TMLHE: variants seen among roughly 807,000 people sequenced by gnomAD.
The protein encoded by TMLHE is trimethyllysine dioxygenase, mitochondrial.
Under a neutral mutation model 25.7 loss-of-function variants are expected in TMLHE, and 18 were observed. The observed-to-expected ratio is 0.70, with a 90% CI of 0.48 to 1.04. TMLHE has a LOEUF of 1.04. TMLHE is among the 50% of genes least tolerant of loss of function. The pLI, the probability that TMLHE is intolerant of heterozygous loss-of-function variation, is 0.00. For missense variants in TMLHE, 236 were observed against 259.0 expected, an observed-to-expected ratio of 0.91 and a Z score of 0.61; for synonymous variants, 105 against 97.0, an observed-to-expected ratio of 1.08 and a Z score of -0.49.
chrX:155,596,165 A>G (rs1435341116), intron 1 of TMLHE, among the ~76,000 whole-genome samples: 1 of 112,084 alleles, frequency 8.9e-6, no homozygotes. Flanking sequence ...TATCTATAAA[A>G]CTGCTAATCT....
At chrX:155,576,805 T>C (rs1449307672) in intron 1 of TMLHE, among the ~76,000 whole-genome samples, 1 of 112,122 alleles carries the variant, frequency 8.9e-6, no homozygotes, top group Non-Finnish European at 1.9e-5. Flanking sequence ...GCTAGCCATA[T>C]GCAGAAGATT....
chrX:155,546,923 A>G (rs2067348817), intron 1 of TMLHE, among the ~76,000 whole-genome samples: 1 of 111,222 alleles, frequency 9.0e-6, no homozygotes, highest in African/African-American at 3.3e-5. Context: ...GTATGACACC[A>G]AGACTCCAGA....
Position 155,548,546 on chromosome X carries a change from T to C in TMLHE, c.-1-3269A>G, listed in dbSNP as rs183034287. Among the ~76,000 whole-genome samples the C allele has an allele frequency of 5.6e-3, 599 of 107,451 alleles. 12 individuals are homozygous for C. Among genetic ancestry groups the C allele is most frequent in the Non-Finnish European group, 8.3e-3 (434 of 52,107 alleles). The allele number at this position is 107,451 out of a possible 115,157, so 93.3% of individuals were successfully genotyped here. On this transcript the variant is annotated intron_variant, in intron 1 of 7. Transcript: ENST00000334398. ...GTCAGCAGTATGAGGCCAGCCTGACTAACATGGTGAAACCCTGTCTCTACT... is the reference window on the plus strand; with the variant it reads ...GTCAGCAGTATGAGGCCAGCCTGACCAACATGGTGAAACCCTGTCTCTACT...
intron 1 of TMLHE, among the ~76,000 whole-genome samples, chrX:155,586,510 AT>A (rs1569562235): frequency 8.9e-6 from 1 of 111,770 alleles, no homozygotes; most frequent in African/African-American, 3.2e-5. Flanking sequence ...AAGAGAAAAA[AT>A]AATAAAGATA....
chrX:155,563,835 T>C (rs2067504300), intron 1 of TMLHE, among the ~76,000 whole-genome samples: 1 of 61,986 alleles, frequency 1.6e-5, no homozygotes, highest in African/African-American at 3.6e-5. Context: ...GATCCTTTTA[T>C]TCTTCAATGC....
At chrX:155,558,373 A>G (rs7888940) in intron 1 of TMLHE, among the ~76,000 whole-genome samples, 1,587 of 111,662 alleles carry the variant, frequency 0.014, 43 homozygotes, top group African/African-American at 0.049. Context: ...TTCTCTCATA[A>G]TAGTCTTTAT....
At chrX:155,535,740 T>C (rs2067275316) in intron 2 of TMLHE, among the ~76,000 whole-genome samples, 4 of 111,821 alleles carry the variant, frequency 3.6e-5, no homozygotes, top group Non-Finnish European at 7.5e-5. Context: ...AACCCCTGTC[T>C]CCATTTAAGC....
At chrX:155,576,557 GTAA>G (rs2067590816) in intron 1 of TMLHE, among the ~76,000 whole-genome samples, 3 of 111,562 alleles carry the variant, frequency 2.7e-5, no homozygotes, top group Non-Finnish European at 5.7e-5. Flanking sequence ...CAAAACAATC[GTAA>G]GGAAAAAGAT....
chrX:155,576,466 A>G (rs1557343788), intron 1 of TMLHE, among the ~76,000 whole-genome samples: 1 of 112,122 alleles, frequency 8.9e-6, no homozygotes, highest in Admixed American at 9.5e-5. Context: ...TGCTATTCCT[A>G]TCAAACTACC....
At chrX:155,611,939 G>A (rs2067825141) in intron 1 of TMLHE, among the ~76,000 whole-genome samples, 1 of 111,876 alleles carries the variant, frequency 8.9e-6, no homozygotes, top group Non-Finnish European at 1.9e-5. Context: ...CTGTATGGGA[G>A]TGGATTATGA....
At chrX:155,588,070 G>T (rs2067674851) in intron 1 of TMLHE, among the ~76,000 whole-genome samples, 1 of 111,828 alleles carries the variant, frequency 8.9e-6, no homozygotes, top group Admixed American at 9.5e-5. Context: ...AACAAAGATG[G>T]AGGCATCACA....
intron 1 of TMLHE, among the ~76,000 whole-genome samples, chrX:155,555,993 T>C (rs1557340749): frequency 9.0e-6 from 1 of 110,729 alleles, no homozygotes; most frequent in African/African-American, 3.3e-5. Context: ...CTAGGGTTTT[T>C]ATGGTTTTAG....
chrX:155,570,993 T>A (rs2067545591), intron 1 of TMLHE, among the ~76,000 whole-genome samples: 1 of 56,040 alleles, frequency 1.8e-5, no homozygotes, highest in African/African-American at 4.3e-5. Flanking sequence ...AGAGCAGAAC[T>A]GAAGGAAATA....
At chrX:155,543,252 G>C (rs782183486) in intron 2 of TMLHE, among the ~76,000 whole-genome samples, 278 of 111,420 alleles carry the variant, frequency 2.5e-3, no homozygotes, top group African/African-American at 8.7e-3. Context: ...GAAAGAAAGA[G>C]ATGAAATTGT....
chrX:155,548,591 C>A (rs183926020), intron 1 of TMLHE, among the ~76,000 whole-genome samples: 7 of 108,645 alleles, frequency 6.4e-5, no homozygotes, highest in Non-Finnish European at 9.6e-5. Flanking sequence ...AAAAATTAGC[C>A]GGGTGTGGTG....
Position 155,576,241 on chromosome X carries a change from A to C in TMLHE, c.-1-30964T>G, listed in dbSNP as rs185529636. ...CATCTAAGCTGAGAGCCACATCAAG[A>C]GTGCAATCGCATTCACAACAGCCAC... On this transcript the variant is annotated intron_variant, in intron 1 of 7. Transcript: ENST00000334398. Among the ~76,000 whole-genome samples the C allele has an allele frequency of 9.2e-4, 103 of 111,513 alleles. 1 individual carries two copies. Among genetic ancestry groups the C allele is most frequent in the Non-Finnish European group, 1.3e-3 (68 of 53,103 alleles).
chrX:155,569,342 A>C lies in TMLHE; in HGVS notation c.-1-24065T>G, dbSNP rs1261277492. ...AAGAAATATGGGACTATGTGAAAAG[A>C]CCAAATCTACATCGTATTGGTATAC... On this transcript the variant is annotated intron_variant, in intron 1 of 7. Coordinates refer to ENST00000334398, the MANE Select transcript of TMLHE (RefSeq NM_018196.4). 6.9e-5 allele frequency among the ~76,000 whole-genome samples: 4 copies of C among 57,770 alleles called. 1 individual carries two copies. The highest frequency in any genetic ancestry group is 1.8e-4 in the Non-Finnish European group (4 of 22,200). 50.2% of individuals were successfully genotyped at this position (57,770 alleles called of 115,157 possible).
chrX:155,559,758 T>C (rs1483513076), intron 1 of TMLHE, among the ~76,000 whole-genome samples: 3 of 112,447 alleles, frequency 2.7e-5, no homozygotes, highest in Admixed American at 1.9e-4. Flanking sequence ...TCTCTTTCCA[T>C]TCCTATAGAT....
chrX:155,531,167 T>C (rs1603033451), intron 2 of TMLHE, among the ~76,000 whole-genome samples: 1 of 112,313 alleles, frequency 8.9e-6, no homozygotes, highest in South Asian at 3.7e-4. Flanking sequence ...TGAGGCTTTT[T>C]GTAGGAGACA....
Sources: gnomAD v4.1 joint callset for allele counts (sites outside exome capture counted in the v4.1 genomes callset) on GRCh38, gnomAD v4.1.1 for gene constraint, MANE v1.5 for transcripts, NCBI Gene and HGNC (gene_info 2026-07-23, HGNC 2026-07-21) for gene names.